SYN3: variants seen among roughly 807,000 people sequenced by gnomAD.
SYN3 encodes the protein synapsin III.
A neutral mutation model predicts 65.8 loss-of-function variants in SYN3; 35 were observed. That is an observed-to-expected ratio of 0.53 (90% CI 0.41 to 0.70). The LOEUF is 0.70. Among genes scored for constraint, SYN3 ranks in the 30% least tolerant of loss-of-function variants. The pLI, the probability that SYN3 is intolerant of heterozygous loss-of-function variation, is 0.00. For missense variants in SYN3, 680 were observed against 749.0 expected (o/e 0.91, Z 1.08); for synonymous variants, 270 against 292.9 (o/e 0.92, Z 0.80).
At chr22:32,812,933 G>A (rs1225282453) in intron 6 of SYN3, among the ~76,000 whole-genome samples, 1 of 152,174 alleles carries the variant, frequency 6.6e-6, no homozygotes, top group African/African-American at 2.4e-5. Context: ...CAGAATCCAG[G>A]TTGGTCTCCA....
chr22:33,042,982 A>G (rs12168142), intron 1 of SYN3, among the ~76,000 whole-genome samples: 10,395 of 152,202 alleles, frequency 0.068, 1,149 homozygotes, highest in African/African-American at 0.23. Context: ...TTCAAGTCTC[A>G]CAGGCCATAT....
intron 4 of SYN3, among the ~76,000 whole-genome samples, chr22:32,898,284 C>T (rs112907528): frequency 4.6e-5 from 7 of 152,148 alleles, no homozygotes; most frequent in Non-Finnish European, 5.9e-5. Context: ...TGAGCCACTG[C>T]GCCCGGCCCC....
At chr22:32,544,459 C>T (rs2058307359) in intron 7 of SYN3, among the ~76,000 whole-genome samples, 1 of 152,218 alleles carries the variant, frequency 6.6e-6, no homozygotes, top group African/African-American at 2.4e-5. Flanking sequence ...TTAGGTTTTA[C>T]TCCCTACCAT....
intron 1 of SYN3, among the ~76,000 whole-genome samples, chr22:33,030,602 G>A (rs2053733319): frequency 6.6e-6 from 1 of 151,474 alleles, no homozygotes; most frequent in South Asian, 2.1e-4. Context: ...GAGACAGAGA[G>A]AGATAGATAA....
chr22:32,726,478 G>C (rs140270292), intron 6 of SYN3, among the ~76,000 whole-genome samples: 2,464 of 152,180 alleles, frequency 0.016, 20 homozygotes, highest in Non-Finnish European at 0.022. Flanking sequence ...GAGGGGATCC[G>C]AACTCTATAT....
rs2057694511 is a variant in SYN3 at position 32,511,823 on chromosome 22, G to T, written c.*1869C>A. Among the ~76,000 whole-genome samples, 1 of 152,178 alleles carries T rather than the reference G, an allele frequency of 6.6e-6. No individual in the cohort carries two copies. The highest frequency in any genetic ancestry group is 2.4e-5 in the African/African-American group (1 of 41,432). On this transcript the variant is annotated 3_prime_UTR_variant, in exon 14 of 14. Transcript: ENST00000358763. ...GTCTGCTACTTATTATTGAATCCCA[G>T]ACCAAGAGTCTTGAACAGGAGGAGA... is the stretch of plus-strand genomic sequence containing the variant.
At chr22:32,683,242 G>GT (rs1324738681) in intron 6 of SYN3, among the ~76,000 whole-genome samples, 1 of 152,120 alleles carries the variant, frequency 6.6e-6, no homozygotes, top group African/African-American at 2.4e-5. Context: ...GGGGAGCGGG[G>GT]TGGGGGGCAG....
chr22:32,570,235 A>G (rs2058740716), intron 7 of SYN3, among the ~76,000 whole-genome samples: 1 of 152,222 alleles, frequency 6.6e-6, no homozygotes, highest in Admixed American at 6.5e-5. Flanking sequence ...TCTATATCCA[A>G]AAGACAGACA....
intron 10 of SYN3, among the ~76,000 whole-genome samples, chr22:32,531,694 T>C (rs148333375): frequency 2.2e-5 from 3 of 136,566 alleles, no homozygotes; most frequent in Non-Finnish European, 4.8e-5. Context: ...TTTTTTTTTT[T>C]CCCTTACTGG....
chr22:32,569,440 TA>T (rs1423307619), intron 7 of SYN3, among the ~76,000 whole-genome samples: 27 of 150,178 alleles, frequency 1.8e-4, no homozygotes, highest in African/African-American at 4.4e-4. Flanking sequence ...TCTATCTATC[TA>T]TCTATCTTCT....
At chr22:32,741,382 G>C (rs1242001768) in intron 6 of SYN3, among the ~76,000 whole-genome samples, 1 of 125,022 alleles carries the variant, frequency 8.0e-6, no homozygotes, top group Non-Finnish European at 1.6e-5. Flanking sequence ...TTGAGACAGA[G>C]TCTTGCTCTG....
At chr22:32,698,916 G>A (rs1041718216) in intron 6 of SYN3, among the ~76,000 whole-genome samples, 1 of 152,056 alleles carries the variant, frequency 6.6e-6, no homozygotes, top group Non-Finnish European at 1.5e-5. Context: ...GTTCCAGGAT[G>A]GGGGGGTGAC....
At chr22:32,758,391 G>T (rs1165677389) in intron 6 of SYN3, among the ~76,000 whole-genome samples, 15 of 151,886 alleles carry the variant, frequency 9.9e-5, no homozygotes. Flanking sequence ...TGCCAAAGGA[G>T]ATTAACATTT....
chr22:32,642,868 T>A (rs1005854141), intron 6 of SYN3, among the ~76,000 whole-genome samples: 4 of 152,042 alleles, frequency 2.6e-5, no homozygotes, highest in Non-Finnish European at 4.4e-5. Context: ...TATCCCAAAC[T>A]TTTTGATCAG....
At position 32,766,157 on chromosome 22, in the gene SYN3, G is replaced by GT. The variant is rs142014692; in HGVS notation, c.711+98757dup. Among the ~76,000 whole-genome samples, 1,048 of 152,306 alleles carry GT rather than the reference G, an allele frequency of 6.9e-3. 15 individuals are homozygous for GT. The highest frequency in any genetic ancestry group is 0.024 in the African/African-American group (1,018 of 41,566). On this transcript the variant is annotated intron_variant, in intron 6 of 13. Coordinates refer to ENST00000358763, the MANE Select transcript of SYN3 (RefSeq NM_003490.4). ...CCGACATGGGGAGAAAGACTGGGGC[G>GT]TGGGTGAGATATAGAGCCTTTGGAA...
intron 6 of SYN3, among the ~76,000 whole-genome samples, chr22:32,644,248 A>G (rs1449048381): frequency 1.3e-5 from 2 of 152,076 alleles, no homozygotes; most frequent in African/African-American, 4.8e-5. Context: ...ATTTGACCCC[A>G]TTGCTACCCT....
chr22:32,615,998 C>G (rs2059514629), intron 6 of SYN3, among the ~76,000 whole-genome samples: 1 of 152,222 alleles, frequency 6.6e-6, no homozygotes, highest in Non-Finnish European at 1.5e-5. Context: ...TAGGTCACAA[C>G]TGGCCTGGCA....
intron 6 of SYN3, among the ~76,000 whole-genome samples, chr22:32,615,274 A>G (rs1296978663): frequency 6.6e-6 from 1 of 151,898 alleles, no homozygotes; most frequent in Non-Finnish European, 1.5e-5. Context: ...GTCTCTACTA[A>G]AAATACAAAA....
chr22:32,944,740 G>A (rs1445111538), intron 3 of SYN3, among the ~76,000 whole-genome samples: 1 of 152,196 alleles, frequency 6.6e-6, no homozygotes, highest in Non-Finnish European at 1.5e-5. Context: ...ATTAGGAAAA[G>A]AGGAAGTCAA....
Sources: gnomAD v4.1 joint callset for allele counts (sites outside exome capture counted in the v4.1 genomes callset) on GRCh38, gnomAD v4.1.1 for gene constraint, MANE v1.5 for transcripts, NCBI Gene and HGNC (gene_info 2026-07-23, HGNC 2026-07-21) for gene names.